Variants in ZBED6 observed in about 807,000 individuals in gnomAD.
ZBED6 encodes the protein zinc finger BED-type containing 6.
ZBED6 carries 40 observed loss-of-function variants against 58.4 expected under a neutral mutation model. The ratio of observed to expected loss-of-function variants is 0.68; its 90% CI spans 0.53 to 0.89. ZBED6 has a LOEUF of 0.89. Among genes scored for constraint, ZBED6 ranks in the 40% least tolerant of loss-of-function variants. ZBED6 has a pLI of 0.00. For synonymous variants in ZBED6, 439 were observed against 350.6 expected (o/e 1.25, Z -2.82); for missense variants, 1,057 against 1,003.9 (o/e 1.05, Z -0.71).
At chr1:203,834,955 T>G (rs1683782822) in intron 9 of ZBED6, among the ~76,000 whole-genome samples, 1 of 152,242 alleles carries the variant, frequency 6.6e-6, no homozygotes, top group Non-Finnish European at 1.5e-5. Context: ...CAAAAAATTA[T>G]TTTGAAAATT....
At chr1:203,829,706 G>T in intron 5 of ZBED6, 52 bp downstream of exon 5, 3 of 1,612,386 alleles carry the variant, frequency 1.9e-6, no homozygotes, top group Non-Finnish European at 2.5e-6. Context: ...GTCTCATAGT[G>T]AATTGGGCAG....
chr1:203,796,278 C>G (rs976236912), exon 1 of ZBED6: 2 of 396,664 alleles, frequency 5.0e-6, no homozygotes, highest in Admixed American at 4.4e-5. Context: ...TTTACCTACT[C>G]TCATTCCTCT....
intron 3 of ZBED6, among the ~76,000 whole-genome samples, chr1:203,822,477 G>A (rs949635895): frequency 3.3e-5 from 5 of 152,074 alleles, no homozygotes; most frequent in African/African-American, 7.2e-5. Context: ...CCTTTGGGCT[G>A]TGATACTTTG....
chr1:203,850,257 A>G (rs1688946755), intron 14 of ZBED6: 1 of 650,486 alleles, frequency 1.5e-6, no homozygotes, highest in Non-Finnish European at 2.6e-6. Flanking sequence ...TCTATGGTGC[A>G]TCTTTCCTCT....
At chr1:203,833,383 A>C (rs1198695086) in intron 8 of ZBED6, among the ~76,000 whole-genome samples, 4 of 148,842 alleles carry the variant, frequency 2.7e-5, no homozygotes, top group African/African-American at 7.5e-5. Context: ...AAAAAAAAAA[A>C]ACACCAGGTG....
chr1:203,838,215 A>T, intron 10 of ZBED6, 151 bp downstream of exon 10: 1 of 788,814 alleles, frequency 1.3e-6, no homozygotes, highest in Non-Finnish European at 2.0e-6. Flanking sequence ...TTTGATCCTT[A>T]GTCTGCTAGA....
chr1:203,804,152 GTT>G (rs74546279), intron 1 of ZBED6, among the ~76,000 whole-genome samples: 15,575 of 104,556 alleles, frequency 0.15, 696 homozygotes, highest in East Asian at 0.27. Context: ...CTGTATATGT[GTT>G]TTTTTTTTTT....
chr1:203,810,436 T>C (rs1674009241), intron 1 of ZBED6, among the ~76,000 whole-genome samples: 1 of 151,602 alleles, frequency 6.6e-6, no homozygotes, highest in Non-Finnish European at 1.5e-5. Flanking sequence ...TTTTTTTTTT[T>C]TGAGACAGAG....
intron 2 of ZBED6, among the ~76,000 whole-genome samples, chr1:203,817,707 A>G (rs1006721513): frequency 6.6e-6 from 1 of 152,000 alleles, no homozygotes; most frequent in African/African-American, 2.4e-5. Context: ...CTAATTCTAT[A>G]AACGTATATG....
chr1:203,837,146 T>A (rs537825464), intron 9 of ZBED6, among the ~76,000 whole-genome samples: 1 of 151,800 alleles, frequency 6.6e-6, no homozygotes, highest in Non-Finnish European at 1.5e-5. Flanking sequence ...AATACAAAAA[T>A]TAACCAGGCA....
At chr1:203,800,253 T>C (rs1490787877) in exon 1 of ZBED6, 1 of 1,122,554 alleles carries the variant, frequency 8.9e-7, no homozygotes, top group Non-Finnish European at 1.3e-6. Context: ...TTGCCCCATG[T>C]GTAGTTGGCA....
In ZBED6 at chr1:203,848,534, TATA is replaced by T. The variant is rs1400807758; in HGVS notation, c.*4322+130_*4322+132del. On this transcript the variant is annotated intron_variant, in intron 13 of 16. Coordinates refer to ENST00000550078, the Ensembl canonical transcript of ZBED6. ...TAGGTAAACAGTCTTTCTTTTTACT[TATA>T]ATTTCTTATGAGAATTTCCTGTAGT... is the stretch of plus-strand genomic sequence containing the variant. The T allele has an allele frequency of 6.0e-6, 4 of 666,930 alleles. No homozygotes were observed. The East Asian group carries it at 1.2e-4, about 20-fold the overall frequency. The allele number at this position is 666,930 out of a possible 1,614,324, so 41.3% of individuals were successfully genotyped here.
At position 203,805,646 on chromosome 1, in the gene ZBED6, A is replaced by G. The variant is rs11810904; in HGVS notation, c.*2554+2630A>G. The G allele has an allele frequency of 5.9e-4, 414 of 703,290 alleles. 3 individuals carry two copies. In the African/African-American group the frequency reaches 6.3e-3, roughly 11 times the overall value. 43.6% of individuals were successfully genotyped at this position (703,290 alleles called of 1,614,324 possible). A position where few individuals can be genotyped will look rare whatever the true frequency, so the allele number is the denominator to read the frequency against. ...TGAAGCAGGGATCTGTGGCAATCCA[A>G]ATTCATCCACCAGAACTCCATCCTT... On this transcript the variant is annotated intron_variant, in intron 1 of 16. Transcript: ENST00000550078.
At chr1:203,849,000 T>A (rs1176454202) in intron 13 of ZBED6, among the ~76,000 whole-genome samples, 1 of 152,196 alleles carries the variant, frequency 6.6e-6, no homozygotes, top group African/African-American at 2.4e-5. Context: ...TTCTTGTGCC[T>A]CAGCCTCCCA....
At chr1:203,819,192 C>T (rs1677500591) in intron 3 of ZBED6, among the ~76,000 whole-genome samples, 1 of 148,138 alleles carries the variant, frequency 6.8e-6, no homozygotes, top group Non-Finnish European at 1.5e-5. Flanking sequence ...ATATACACAA[C>T]TTTCCTCTAT....
chr1:203,830,259 G>T, intron 7 of ZBED6, 56 bp downstream of exon 7: 2 of 1,395,354 alleles, frequency 1.4e-6, no homozygotes, highest in Non-Finnish European at 2.0e-6. Flanking sequence ...AGAATACTAA[G>T]GACGCTTCTA....
At chr1:203,826,690 A>G (rs561022375) in intron 3 of ZBED6, among the ~76,000 whole-genome samples, 9 of 152,194 alleles carry the variant, frequency 5.9e-5, no homozygotes, top group African/African-American at 1.9e-4. Context: ...TTAAATTTCA[A>G]TGCTGGTGTT....
intron 3 of ZBED6, among the ~76,000 whole-genome samples, chr1:203,827,622 C>T (rs1024215522): frequency 6.6e-6 from 1 of 150,828 alleles, no homozygotes; most frequent in Non-Finnish European, 1.5e-5. Context: ...GCGGAGCTTG[C>T]AGTGAGCGGA....
chr1:203,798,182 T>C (rs1456322092), exon 1 of ZBED6: 1 of 1,536,158 alleles, frequency 6.5e-7, no homozygotes, highest in East Asian at 2.4e-5. Context: ...ATATTCCTAC[T>C]GATCCATTAG....
Sources: allele counts gnomAD v4.1 joint callset (sites outside exome capture counted in the v4.1 genomes callset), GRCh38; gene constraint gnomAD v4.1.1; transcripts MANE v1.5; gene names NCBI Gene and HGNC (gene_info 2026-07-23, HGNC 2026-07-21).